ZNF600: variants seen among roughly 807,000 people sequenced by gnomAD.
The protein encoded by ZNF600 is zinc finger protein 600.
A neutral mutation model predicts 7.3 loss-of-function variants in ZNF600; 4 were observed. The ratio of observed to expected loss-of-function variants is 0.55; its 90% confidence interval spans 0.27 to 1.25. The LOEUF is 1.25. Ranked by LOEUF, ZNF600 falls within the 50% of genes most tolerant of loss-of-function variation. ZNF600 has a pLI of 0.12. For synonymous variants in ZNF600, 290 were observed against 308.9 expected (o/e 0.94, Z 0.64); for missense variants, 911 against 922.1 (o/e 0.99, Z 0.16).
At chr19:52,799,190 T>C in the ZNF600 span, 11 of 416,092 alleles carry the variant, frequency 2.6e-5, no homozygotes, top group South Asian at 4.8e-5. Flanking sequence ...ACTTGTAGGG[T>C]TTCTCTCCAA....
intron 3 of ZNF600, among the ~76,000 whole-genome samples, chr19:52,771,953 T>C (rs551128026): frequency 0.02 from 3,085 of 151,576 alleles, 119 homozygotes; most frequent in African/African-American, 0.07. Flanking sequence ...AAGAGTGAGA[T>C]AGGAAAAGAG....
chr19:52,773,346 A>G (rs1409035084), intron 3 of ZNF600, among the ~76,000 whole-genome samples: 1 of 152,224 alleles, frequency 6.6e-6, no homozygotes, highest in Non-Finnish European at 1.5e-5. Context: ...AAAGAGATCC[A>G]AAAAAGCAGC....
At chr19:52,832,171 C>A in the ZNF600 span, among the ~76,000 whole-genome samples, 4 of 152,044 alleles carry the variant, frequency 2.6e-5, no homozygotes, top group African/African-American at 9.7e-5. Flanking sequence ...AAATATCTCA[C>A]TACTGCACTC....
intron 3 of ZNF600, among the ~76,000 whole-genome samples, chr19:52,768,254 A>T (rs1035154265): frequency 6.6e-6 from 1 of 151,976 alleles, no homozygotes; most frequent in Non-Finnish European, 1.5e-5. Context: ...TGTATTTTCA[A>T]ACAATTATAG....
chr19:52,777,722 A>G (rs2062687615), intron 2 of ZNF600, among the ~76,000 whole-genome samples: 1 of 151,940 alleles, frequency 6.6e-6, no homozygotes, highest in Non-Finnish European at 1.5e-5. Flanking sequence ...CCAGCAACTC[A>G]GGAGGCTGAG....
At chr19:52,822,582 A>C in the ZNF600 span, among the ~76,000 whole-genome samples, 41 of 152,346 alleles carry the variant, frequency 2.7e-4, no homozygotes, top group Admixed American at 1.9e-3. Context: ...TCATTGTTCT[A>C]TGCAACCCGT....
chr19:52,830,881 A>C, the ZNF600 span, among the ~76,000 whole-genome samples: 1 of 140,832 alleles, frequency 7.1e-6, no homozygotes, highest in Non-Finnish European at 1.5e-5. Context: ...ATCTGTGGGA[A>C]TATAATTCCA....
chr19:52,768,118 T>C (rs7253364), intron 3 of ZNF600, among the ~76,000 whole-genome samples: 5,526 of 151,700 alleles, frequency 0.036, 324 homozygotes, highest in African/African-American at 0.12. Flanking sequence ...AATATATATT[T>C]TTCATATTTA....
chr19:52,816,705 A>G, the ZNF600 span, among the ~76,000 whole-genome samples: 2 of 120,808 alleles, frequency 1.7e-5, no homozygotes, highest in African/African-American at 8.0e-5. Flanking sequence ...GGTGGCGCGC[A>G]CCTATAATCC....
chr19:52,812,762 T>TA, the ZNF600 span, among the ~76,000 whole-genome samples: 741 of 75,368 alleles, frequency 9.8e-3, 13 homozygotes, highest in African/African-American at 0.026. Context: ...GAATGATCAA[T>TA]AAAAAAAAAA....
the ZNF600 span, chr19:52,805,393 G>C: frequency 1.3e-5 from 2 of 152,168 alleles, no homozygotes; most frequent in African/African-American, 2.4e-5. Flanking sequence ...GGGAGGCTGA[G>C]GCTGGCAGAT....
the ZNF600 span, chr19:52,808,112 C>T: frequency 1.4e-5 from 23 of 1,613,158 alleles, no homozygotes; most frequent in Admixed American, 8.3e-5. Context: ...TCTATGGCCA[C>T]GTCCCTGAAT....
the ZNF600 span, chr19:52,810,047 C>T: frequency 2.7e-6 from 2 of 736,978 alleles, no homozygotes; most frequent in Admixed American, 2.0e-5. Context: ...TCCAGCCCCG[C>T]GCCCCATGCC....
At chr19:52,802,870 C>T in the ZNF600 span, among the ~76,000 whole-genome samples, 3 of 149,944 alleles carry the variant, frequency 2.0e-5, no homozygotes, top group African/African-American at 7.4e-5. Flanking sequence ...ACGCCATTCT[C>T]CTGCCTCAGC....
At chr19:52,797,898 G>C in the ZNF600 span, 1 of 152,062 alleles carries the variant, frequency 6.6e-6, no homozygotes, top group Non-Finnish European at 1.5e-5. Flanking sequence ...AGAGGTGGGT[G>C]AATCATAAGA....
upstream of ZNF600, among the ~76,000 whole-genome samples, chr19:52,790,830 G>C (rs1469733033): frequency 6.6e-6 from 1 of 151,780 alleles, no homozygotes; most frequent in Non-Finnish European, 1.5e-5. Flanking sequence ...GAGATTACAG[G>C]CATGAGCCAT....
chr19:52,809,829 G>GGCGGCA, the ZNF600 span: 1,162 of 552,916 alleles, frequency 2.1e-3, 3 homozygotes, highest in Non-Finnish European at 2.5e-3. Flanking sequence ...CGAAGGCGGC[G>GGCGGCA]GCGGCGGCGG....
intron 3 of ZNF600, among the ~76,000 whole-genome samples, chr19:52,770,456 ATAAT>A (rs1373467143): frequency 1.3e-5 from 2 of 152,208 alleles, no homozygotes; most frequent in African/African-American, 2.4e-5. Flanking sequence ...AAATAAATAA[ATAAT>A]TGACTAATAG....
chr19:52,785,561 CTTG>C (rs1301040267), intron 1 of ZNF600, among the ~76,000 whole-genome samples: 4 of 152,120 alleles, frequency 2.6e-5, no homozygotes, highest in South Asian at 2.1e-4. Flanking sequence ...TATTTAACCT[CTTG>C]TTGTTCTTTC....
Sources: allele counts gnomAD v4.1 joint callset (sites outside exome capture counted in the v4.1 genomes callset), GRCh38; gene constraint gnomAD v4.1.1; transcripts MANE v1.5; gene names NCBI Gene and HGNC (gene_info 2026-07-23, HGNC 2026-07-21).